LRTM1: variants seen among roughly 807,000 people sequenced by gnomAD.
LRTM1 encodes leucine rich repeat transmembrane protein 1.
Under a neutral mutation model 32.4 loss-of-function variants are expected in LRTM1, and 38 were observed. The observed-to-expected ratio is 1.17, with a 90% CI of 0.91 to 1.54. The LOEUF (loss-of-function observed/expected upper bound fraction) is 1.54, where lower values mean the gene tolerates loss of function less well. Among genes scored for constraint, LRTM1 ranks in the 40% most tolerant of loss-of-function variants. LRTM1 has a pLI of 0.00. For missense variants in LRTM1, 466 were observed against 415.4 expected (o/e 1.12, Z -1.06); for synonymous variants, 186 against 169.9 (o/e 1.09, Z -0.74).
At chr3:54,919,195 G>A (rs964040580) in intron 2 of LRTM1, among the ~76,000 whole-genome samples, 9 of 152,198 alleles carry the variant, frequency 5.9e-5, no homozygotes, top group African/African-American at 1.4e-4. Flanking sequence ...AAGAAGGCAC[G>A]CTGGGGGCCG....
intron 1 of LRTM1, among the ~76,000 whole-genome samples, chr3:54,949,194 G>T (rs116288715): frequency 8.5e-5 from 13 of 152,302 alleles, no homozygotes; most frequent in Non-Finnish European, 1.8e-4. Context: ...GTTTTGGTCA[G>T]TGCCTATCAC....
intron 1 of LRTM1, among the ~76,000 whole-genome samples, chr3:54,964,272 T>C (rs1298563926): frequency 6.6e-6 from 1 of 152,162 alleles, no homozygotes; most frequent in African/African-American, 2.4e-5. Flanking sequence ...TCTCTATCCA[T>C]GTGATGAAGA....
At chr3:54,923,099 T>C (rs776207707) in intron 2 of LRTM1, among the ~76,000 whole-genome samples, 3 of 152,172 alleles carry the variant, frequency 2.0e-5, no homozygotes, top group Non-Finnish European at 4.4e-5. Flanking sequence ...CTTTCGTCAG[T>C]TCTCCCAAGA....
intron 1 of LRTM1, among the ~76,000 whole-genome samples, chr3:54,951,653 G>T (rs1050136015): frequency 6.6e-6 from 1 of 150,398 alleles, no homozygotes; most frequent in African/African-American, 2.5e-5. Context: ...TCCAGTCCCA[G>T]TTCCAAGAAG....
chr3:54,947,554 A>C (rs895747154), intron 1 of LRTM1, among the ~76,000 whole-genome samples: 4 of 152,126 alleles, frequency 2.6e-5, no homozygotes, highest in Admixed American at 2.6e-4. Context: ...TATCCACAAA[A>C]TTTTGAGTGC....
intron 1 of LRTM1, among the ~76,000 whole-genome samples, chr3:54,939,371 T>G (rs1358090267): frequency 6.6e-6 from 1 of 152,230 alleles, no homozygotes; most frequent in East Asian, 1.9e-4. Context: ...CTGCCGGACT[T>G]CAAAGCCTTT....
At chr3:54,951,645 C>T (rs1013165311) in intron 1 of LRTM1, among the ~76,000 whole-genome samples, 10 of 151,092 alleles carry the variant, frequency 6.6e-5, no homozygotes, top group Admixed American at 2.6e-4. Context: ...TGCAGGGCTC[C>T]AGTCCCAGTT....
At chr3:54,935,936 C>A (rs1701317789) in intron 1 of LRTM1, among the ~76,000 whole-genome samples, 1 of 152,178 alleles carries the variant, frequency 6.6e-6, no homozygotes, top group African/African-American at 2.4e-5. Context: ...CAGGAATCCC[C>A]TTTGTGAGTC....
At chr3:54,933,261 G>A (rs1183273180) in intron 1 of LRTM1, among the ~76,000 whole-genome samples, 1 of 152,162 alleles carries the variant, frequency 6.6e-6, no homozygotes, top group Non-Finnish European at 1.5e-5. Flanking sequence ...CTAATAATTT[G>A]TATTAAAATT....
intron 1 of LRTM1, among the ~76,000 whole-genome samples, chr3:54,964,408 G>A (rs1482304427): frequency 1.6e-5 from 2 of 123,954 alleles, no homozygotes; most frequent in African/African-American, 2.6e-5. Flanking sequence ...CAGGAATGGT[G>A]ATTTTTTTTT....
At chr3:54,959,919 A>G (rs985408991) in intron 1 of LRTM1, among the ~76,000 whole-genome samples, 1 of 152,156 alleles carries the variant, frequency 6.6e-6, no homozygotes, top group Non-Finnish European at 1.5e-5. Flanking sequence ...AGATTACCTC[A>G]AGGGTGAAAA....
chr3:54,939,104 A>G (rs1701396431), intron 1 of LRTM1, among the ~76,000 whole-genome samples: 1 of 152,224 alleles, frequency 6.6e-6, no homozygotes, highest in African/African-American at 2.4e-5. Flanking sequence ...TCCTCTGTCT[A>G]GATATCCAAT....
chr3:54,926,123 TC>T (rs1456511259), intron 1 of LRTM1, among the ~76,000 whole-genome samples: 1 of 152,164 alleles, frequency 6.6e-6, no homozygotes, highest in Non-Finnish European at 1.5e-5. Context: ...TAAGCCCTTT[TC>T]CTCACACCAT....
chr3:54,933,051 CCCTTCCTT>C (rs60554563), upstream of LRTM1, among the ~76,000 whole-genome samples: 12,086 of 139,224 alleles, frequency 0.087, 647 homozygotes, highest in Non-Finnish European at 0.11. Flanking sequence ...ATCCATCCCT[CCCTTCCTT>C]CCTTCCTTCC....
chr3:54,948,507 C>A (rs1359669046), intron 1 of LRTM1, among the ~76,000 whole-genome samples: 1 of 152,196 alleles, frequency 6.6e-6, no homozygotes, highest in Non-Finnish European at 1.5e-5. Context: ...AAGGTAGCAT[C>A]TTCCTGCAGT....
chr3:54,953,545 A>G (rs572588879), intron 1 of LRTM1, among the ~76,000 whole-genome samples: 3 of 152,324 alleles, frequency 2.0e-5, no homozygotes, highest in Non-Finnish European at 2.9e-5. Context: ...AGTCATTACA[A>G]CAAGGCCTCA....
At chr3:54,927,782 C>T in intron 1 of LRTM1, 123 bp downstream of exon 1, 1 of 1,042,760 alleles carries the variant, frequency 9.6e-7, no homozygotes, top group Non-Finnish European at 1.5e-6. Context: ...AGACATTTTT[C>T]ATATCTGTCC....
At chr3:54,945,144 A>G (rs1423106176) in intron 1 of LRTM1, among the ~76,000 whole-genome samples, 5 of 152,214 alleles carry the variant, frequency 3.3e-5, no homozygotes, top group African/African-American at 1.2e-4. Flanking sequence ...ATCAATCAGC[A>G]TGCAGGTACT....
chr3:54,942,198 G>GC (rs372376627), intron 1 of LRTM1, among the ~76,000 whole-genome samples: 73 of 152,308 alleles, frequency 4.8e-4, no homozygotes, highest in African/African-American at 1.7e-3. Context: ...GTGTATCTCT[G>GC]CCCAGGTGTG....
Sources: allele counts gnomAD v4.1 joint callset (sites outside exome capture counted in the v4.1 genomes callset), GRCh38; gene constraint gnomAD v4.1.1; transcripts MANE v1.5; gene names NCBI Gene and HGNC (gene_info 2026-07-23, HGNC 2026-07-21).